Variants in ZNF839 observed in about 807,000 individuals in gnomAD.
ZNF839 encodes the protein renal carcinoma antigen NY-REN-50.
In ZNF839, 38 loss-of-function variants were observed where a neutral mutation model predicts 56.4. The ratio of observed to expected loss-of-function variants is 0.67; its 90% CI spans 0.52 to 0.88. The LOEUF is 0.88. Ranked by LOEUF, ZNF839 falls within the 40% of genes least tolerant of loss-of-function variation. ZNF839 has a pLI of 0.00. For synonymous variants in ZNF839, 486 were observed against 493.5 expected (o/e 0.98, Z 0.20); for missense variants, 1,091 against 1,177.6 (o/e 0.93, Z 1.08).
chr14:102,341,248 G>C, intron 7 of ZNF839, 75 bp from the exon 8 acceptor site: 4 of 1,433,808 alleles, frequency 2.8e-6, no homozygotes, highest in Non-Finnish European at 3.7e-6. Context: ...GGCCTAGCTG[G>C]TTTTGGGTGG....
intron 2 of ZNF839, among the ~76,000 whole-genome samples, chr14:102,327,265 C>A: frequency 6.6e-6 from 1 of 152,238 alleles, no homozygotes; most frequent in South Asian, 2.1e-4. Context: ...CTCAGCCTCG[C>A]AAGTAGCTGG....
intron 5 of ZNF839, among the ~76,000 whole-genome samples, chr14:102,337,998 A>T (rs1002011167): frequency 1.3e-5 from 2 of 152,036 alleles, no homozygotes; most frequent in African/African-American, 4.8e-5. Flanking sequence ...GACTCAGGAG[A>T]TGGTGGCTCA....
Position 102,331,703 on chromosome 14 carries a change from GGACCTAGAAGACGCGCATGCTCAGA to G in ZNF839, c.1278_1302del (p.Arg427LeufsTer60). Reference sequence around the variant, plus strand: ...TCTTTTGCGATCAGAGAGATACCAAGGACCTAGAAGACGCGCATGCTCAGAGACCCTTGCAGAGTCCCGCACAGCT... The same window carrying G: ...TCTTTTGCGATCAGAGAGATACCAAGGACCCTTGCAGAGTCCCGCACAGCT... On this transcript the variant is annotated frameshift_variant, in exon 3 of 8. Coordinates refer to ENST00000442396, the MANE Select transcript of ZNF839 (RefSeq NM_018335.6). LOFTEE classifies it high-confidence loss of function. 1 of 1,611,594 alleles carries G rather than the reference GGACCTAGAAGACGCGCATGCTCAGA, an allele frequency of 6.2e-7. No individual in the cohort carries two copies. Among genetic ancestry groups the G allele is most frequent in the Non-Finnish European group, 8.5e-7 (1 of 1,178,838 alleles).
rs748069284 is a variant in ZNF839, at chr14:102,326,267, A to G, written c.571A>G (p.Lys191Glu). The change falls in exon 2 of 8, where the codon AAG becomes GAG. Residue 191 changes from lysine to glutamate, a missense_variant. Coordinates refer to ENST00000442396, the MANE Select transcript of ZNF839 (RefSeq NM_018335.6). This position sits in a 1 kb window ranked among gnomAD's most constrained non-coding sequence, Gnocchi z 4.3. ...GCCAGCCCTCCAGGTGGTCCCTGCA[A>G]AGAGAGTCCCAGCCCCCAAGGCTCC... ...PLPALQVVPA[K>E]RVPAPKAPDE... 5.1e-5 allele frequency: 83 copies of G among 1,613,724 alleles called. No individual in the cohort carries two copies. The Middle Eastern group carries it at 3.8e-3, about 74-fold the overall frequency.
At chr14:102,341,211 T>C in intron 7 of ZNF839, 112 bp from the exon 8 acceptor site, 1 of 1,321,644 alleles carries the variant, frequency 7.6e-7, no homozygotes. Flanking sequence ...CATCGATGCT[T>C]TGACTTTTCT....
Position 102,334,539 on chromosome 14 carries a change from G to T in ZNF839, c.1417-15G>T, listed in dbSNP as rs755791039. The T allele has an allele frequency of 1.9e-6, 3 of 1,594,114 alleles. No individual in the cohort carries two copies. The highest frequency in any genetic ancestry group is 2.6e-6 in the Non-Finnish European group (3 of 1,166,408). The stretch of plus-strand genomic sequence containing the variant: ...TACGGGACATTCAAAGGCATGAAAT[G>T]CTTTCCCTTGGTAGTTCCTCCAGCA... On this transcript the variant is annotated splice_polypyrimidine_tract_variant and intron_variant, in intron 3 of 7. Coordinates refer to ENST00000442396, the MANE Select transcript of ZNF839 (RefSeq NM_018335.6).
At chr14:102,318,707 T>C (rs1405903430), upstream of ZNF839, among the ~76,000 whole-genome samples, 1 of 151,976 alleles carries the variant, frequency 6.6e-6, no homozygotes, top group African/African-American at 2.4e-5. Flanking sequence ...GAAGGGATCA[T>C]CGTGAATGCA....
Position 102,326,135 on chromosome 14 carries a change from A to G in ZNF839, c.439A>G (p.Ser147Gly), listed in dbSNP as rs2073395197. 1 of 1,613,950 alleles carries G rather than the reference A, an allele frequency of 6.2e-7. No individual in the cohort carries two copies. Among genetic ancestry groups the G allele is most frequent in the Admixed American group, 1.7e-5 (1 of 60,012 alleles). The change falls in exon 2 of 8, where the codon AGC becomes GGC. Residue 147 changes from serine (S) to glycine (G), a missense_variant. By Grantham distance (56) the Ser-to-Gly change is moderately conservative. Coordinates refer to ENST00000442396, the MANE Select transcript of ZNF839 (RefSeq NM_018335.6). This position sits in a 1 kb window ranked among gnomAD's most constrained non-coding sequence, Gnocchi z 4.3. ...CTGCCTGGTGGGGCTCCATATCGCC[A>G]GCCCTCAGCTGCTCAGGGTACAGCC... ...NSCLVGLHIA[S>G]PQLLRVQPLV...
chr14:102,322,346 G>A (rs1567282591), intron 1 of ZNF839, among the ~76,000 whole-genome samples: 2 of 152,224 alleles, frequency 1.3e-5, no homozygotes, highest in Non-Finnish European at 2.9e-5. Context: ...TATGGCAGGG[G>A]AAACCGCCCC....
Position 102,338,827 on chromosome 14 carries a change from A to T in ZNF839, c.1671A>T (p.Ser557=). 1 of 1,613,964 alleles carries T rather than the reference A, an allele frequency of 6.2e-7. No individual in the cohort carries two copies. Among genetic ancestry groups the T allele is most frequent in the Non-Finnish European group, 8.5e-7 (1 of 1,179,888 alleles). The change falls in exon 6 of 8, where the codon TCA becomes TCT. Residue 557 remains serine, a synonymous_variant. Transcript: ENST00000442396. ...CCATTTCTTTTCAGGTTGCTGAGTC[A>T]TTAGGAATCACAGAATTCCTACGGA... The part of the protein sequence containing the change: ...LEINNDKVAE[S]LGITEFLRKK...
intron 3 of ZNF839, among the ~76,000 whole-genome samples, chr14:102,334,234 A>T (rs2073917857): frequency 6.6e-6 from 1 of 151,776 alleles, no homozygotes; most frequent in Admixed American, 6.6e-5. Flanking sequence ...CAGCTGTGCC[A>T]CCCCCTCACC....
chr14:102,324,529 C>T (rs1306266159), intron 1 of ZNF839, among the ~76,000 whole-genome samples: 3 of 151,854 alleles, frequency 2.0e-5, no homozygotes, highest in Non-Finnish European at 2.9e-5. Flanking sequence ...GACCACAGAG[C>T]GAGACTTCAT....
At chr14:102,327,484 C>T (rs2073479960) in intron 2 of ZNF839, among the ~76,000 whole-genome samples, 4 of 152,190 alleles carry the variant, frequency 2.6e-5, no homozygotes, top group African/African-American at 4.8e-5. Context: ...AACTCACTCA[C>T]TGTCATGCTA....
chr14:102,334,450 T>G, intron 3 of ZNF839, 104 bp from the exon 4 acceptor site: 1 of 766,918 alleles, frequency 1.3e-6, no homozygotes. Flanking sequence ...CACTGAAATT[T>G]TTGGAGAACT....
Position 102,331,757 on chromosome 14 carries a change from C to G in ZNF839, c.1327C>G (p.Leu443Val). The change falls in exon 3 of 8, where the codon CTC (leucine) becomes GTC (valine). Residue 443 changes from leucine to valine, a missense_variant. Coordinates refer to ENST00000442396, the MANE Select transcript of ZNF839 (RefSeq NM_018335.6). ...ETLAESRTAV[L>V]QQRRAAQLPG... is the part of the protein sequence containing the mutation. ...CCTTGCAGAGTCCCGCACAGCTGTCCTCCAGCAGAGAAGAGCTGCTCAGCT... is the reference window on the plus strand; with the variant it reads ...CCTTGCAGAGTCCCGCACAGCTGTCGTCCAGCAGAGAAGAGCTGCTCAGCT... 6.2e-7 allele frequency: 1 copy of G among 1,602,862 alleles called. No homozygotes were observed. The highest frequency in any genetic ancestry group is 8.5e-7 in the Non-Finnish European group (1 of 1,174,800).
At position 102,341,500 on chromosome 14, in the gene ZNF839, G is replaced by A. The variant is rs781196675; in HGVS notation, c.2105G>A (p.Gly702Glu). 2 of 1,599,352 alleles carry A rather than the reference G, an allele frequency of 1.3e-6. No homozygotes were observed. The highest frequency in any genetic ancestry group is 1.1e-5 in the South Asian group (1 of 89,608). Residue 702 changes from glycine (G) to glutamate (E), a missense_variant, in exon 8 of 8, where the codon GGG (glycine) becomes GAG (glutamate). Physicochemically the swap from Gly to Glu is moderately conservative, Grantham distance 98. This residue lies in a region of ZNF839 where 431 missense variants were observed against 468.0 expected (regional missense o/e 0.92). Coordinates refer to ENST00000442396, the MANE Select transcript of ZNF839 (RefSeq NM_018335.6). Reference sequence around the variant, plus strand: ...GCTCTCTCATCCCGGGATGTCAGTGGGCTGCCTGTTTATGCTCAGTCAGGA... The same window carrying A: ...GCTCTCTCATCCCGGGATGTCAGTGAGCTGCCTGTTTATGCTCAGTCAGGA... ...GAALSSRDVS[G>E]LPVYAQSGEP...
chr14:102,326,795 C>G lies in ZNF839; in HGVS notation c.1099C>G (p.Leu367Val). 1 of 1,612,020 alleles carries G rather than the reference C, an allele frequency of 6.2e-7. No homozygotes were observed. Among genetic ancestry groups the G allele is most frequent in the Non-Finnish European group, 8.5e-7 (1 of 1,179,174 alleles). ...RGCTEERTLS[L>V]TSLGLSMPAD... is the part of the protein sequence containing the mutation. ...GTGCACGGAGGAAAGGACGCTCAGC[C>G]TGACCTCCCTGGGGCTGTCCATGCC... Residue 367 changes from leucine to valine, a missense_variant, in exon 2 of 8, where the codon CTG (leucine) becomes GTG (valine). Coordinates refer to ENST00000442396, the MANE Select transcript of ZNF839 (RefSeq NM_018335.6). The surrounding 1 kb of genome is among the most constrained non-coding windows in gnomAD (Gnocchi z 4.3).
rs1245432658 is a variant in ZNF839 at position 102,341,376 on chromosome 14, A to G, written c.1981A>G (p.Thr661Ala). Residue 661 changes from threonine (T) to alanine (A), a missense_variant, in exon 8 of 8, where the codon ACA (threonine) becomes GCA (alanine). Coordinates refer to ENST00000442396, the MANE Select transcript of ZNF839 (RefSeq NM_018335.6). The part of the protein sequence containing the change: ...TVSPRSEESH[T>A]TTVSGGNGSV... ...CTCTCCCCGTTCTGAAGAAAGCCATACAACGACGGTTTCTGGTGGCAATGG... is the reference window on the plus strand; with the variant it reads ...CTCTCCCCGTTCTGAAGAAAGCCATGCAACGACGGTTTCTGGTGGCAATGG... The G allele has an allele frequency of 6.5e-7, 1 of 1,544,082 alleles. No homozygotes were observed. The highest frequency in any genetic ancestry group is 8.7e-7 in the Non-Finnish European group (1 of 1,148,708).
intron 1 of ZNF839, among the ~76,000 whole-genome samples, chr14:102,321,858 G>A (rs961890100): frequency 6.6e-6 from 1 of 152,076 alleles, no homozygotes; most frequent in Non-Finnish European, 1.5e-5. Context: ...GTTCTGGGGC[G>A]GTTGGGGGTG....
Sources: gnomAD v4.1 joint callset for allele counts (sites outside exome capture counted in the v4.1 genomes callset) on GRCh38, gnomAD v4.1.1 for gene constraint, gnomAD v4.1.1 regional missense constraint, Gnocchi (gnomAD v3.1) non-coding constraint, MANE v1.5 for transcripts, NCBI Gene and HGNC (gene_info 2026-07-23, HGNC 2026-07-21) for gene names.